Variants in IQCE observed in about 807,000 individuals in gnomAD.
IQCE encodes the protein IQ domain-containing protein E.
Under a neutral mutation model 96.0 loss-of-function variants are expected in IQCE, and 115 were observed. The ratio of observed to expected loss-of-function variants is 1.20; its 90% CI spans 1.03 to 1.40. The LOEUF is 1.40. IQCE is among the 40% of genes most tolerant of loss of function. The pLI, the probability that IQCE is intolerant of heterozygous loss-of-function variation, is 0.00. For missense variants in IQCE, 1,041 were observed against 909.1 expected, an observed-to-expected ratio of 1.15 and a Z score of -1.87; for synonymous variants, 412 against 371.2, an observed-to-expected ratio of 1.11 and a Z score of -1.26.
chr7:2,566,974 A>C, intron 1 of IQCE, 142 bp from the exon 2 acceptor site: 1 of 675,282 alleles, frequency 1.5e-6, no homozygotes, highest in Non-Finnish European at 2.7e-6. Context: ...GCCCAGCTGG[A>C]GTGTTCTGAG....
chr7:2,591,250 C>CA (rs879360186), intron 14 of IQCE, among the ~76,000 whole-genome samples: 212 of 131,522 alleles, frequency 1.6e-3, no homozygotes, highest in Admixed American at 2.1e-3. Flanking sequence ...GACTCTGTCT[C>CA]AAAAAAAAAA....
In IQCE at chr7:2,613,555, G is replaced by A. The variant is rs1408732667; in HGVS notation, c.*3393G>A. ...GCCGACGATTACCAAACTGAATCCA[G>A]GCAGTGCCATGACCCTGGGTGTCCC... On this transcript the variant is annotated 3_prime_UTR_variant, in exon 22 of 22. Coordinates refer to ENST00000402050, the MANE Select transcript of IQCE (RefSeq NM_152558.5). 6.6e-6 allele frequency: 1 copy of A among 152,304 alleles called. No homozygotes were observed. Among genetic ancestry groups the A allele is most frequent in the Non-Finnish European group, 1.5e-5 (1 of 68,054 alleles). The allele number at this position is 152,304 out of a possible 1,614,324, so 9.4% of individuals were successfully genotyped here.
Position 2,594,963 on chromosome 7 carries a change from A to G in IQCE, c.1427A>G (p.Glu476Gly). 3 of 1,611,952 alleles carry G rather than the reference A, an allele frequency of 1.9e-6. No individual in the cohort carries two copies. Among genetic ancestry groups the G allele is most frequent in the Non-Finnish European group, 2.5e-6 (3 of 1,178,044 alleles). Residue 476 changes from glutamate to glycine, a missense_variant, in exon 16 of 22, where the codon GAA becomes GGA. Physicochemically the swap from Glu to Gly is moderately conservative, Grantham distance 98. Transcript: ENST00000402050. The part of the protein sequence containing the change: ...MKKEEKEDCP[E>G]VPHKAQELPA... ...AAAGAAGAGAAAGAGGATTGCCCGG[A>G]AGTTCCTCATAAGGTACAGTGACCA...
rs141694121 is a variant in IQCE at position 2,578,265 on chromosome 7, C to G, written c.489C>G (p.Asp163Glu). 14 of 1,613,708 alleles carry G rather than the reference C, an allele frequency of 8.7e-6. No individual in the cohort carries two copies. The African/African-American group carries it at 1.5e-4, about 17-fold the overall frequency. The part of the protein sequence containing the change: ...LKKSLHVQKS[D>E]VDLMRTKLRR... ...AGTCATTGCACGTGCAGAAGAGCGACGTGGACCTGATGAGAACGAAGCTCC... is the reference window on the plus strand; with the variant it reads ...AGTCATTGCACGTGCAGAAGAGCGAGGTGGACCTGATGAGAACGAAGCTCC... The change falls in exon 7 of 22, where the codon GAC (aspartate) becomes GAG (glutamate). Residue 163 changes from aspartate (D) to glutamate (E), a missense_variant. By Grantham distance (45) the Asp-to-Glu change is conservative. Transcript: ENST00000402050.
In IQCE at chr7:2,559,310, C is replaced by CG. The variant is rs1430320772; in HGVS notation, c.36+95dup. On this transcript the variant is annotated intron_variant, in intron 1 of 21. Transcript: ENST00000402050. ...CAGCCTCGGGGCCCCGCGCAGGGGC[C>CG]GGCCCGGGGCGTGAGGACGGGGCGC... is the stretch of plus-strand genomic sequence containing the variant. The CG allele has an allele frequency of 6.9e-5, 47 of 678,634 alleles. No homozygotes were observed. In the East Asian group the frequency reaches 1.5e-3, roughly 22 times the overall value. The allele number at this position is 678,634 out of a possible 1,614,324, so 42.0% of individuals were successfully genotyped here.
chr7:2,581,948 A>C, intron 8 of IQCE: 1 of 391,746 alleles, frequency 2.6e-6, no homozygotes, highest in Non-Finnish European at 5.3e-6. Flanking sequence ...TCCTGACCCC[A>C]TGATCCACCC....
chr7:2,591,855 C>T (rs1783613097), intron 14 of IQCE, among the ~76,000 whole-genome samples: 1 of 152,146 alleles, frequency 6.6e-6, no homozygotes. Flanking sequence ...CTCCTGATCT[C>T]AAGTGATCTG....
At chr7:2,583,515 C>T in intron 9 of IQCE, 122 bp from the exon 10 acceptor site, 1 of 501,990 alleles carries the variant, frequency 2.0e-6, no homozygotes, top group Non-Finnish European at 3.3e-6. Context: ...CAGGCTTTTC[C>T]CTCCCATCCT....
chr7:2,587,814 T>A lies in IQCE; in HGVS notation c.989-8T>A. ...GATGCCGTTTTGAAACCGCATTGCT[T>A]CCATCAGGTTATGTGGAGTGGAGCA... On this transcript the variant is annotated splice_polypyrimidine_tract_variant and splice_region_variant and intron_variant, in intron 12 of 21. Coordinates refer to ENST00000402050, the MANE Select transcript of IQCE (RefSeq NM_152558.5). The A allele has an allele frequency of 6.2e-7, 1 of 1,613,960 alleles. No homozygotes were observed. The highest frequency in any genetic ancestry group is 8.5e-7 in the Non-Finnish European group (1 of 1,179,868).
chr7:2,591,874 G>A (rs1171526830), intron 14 of IQCE, among the ~76,000 whole-genome samples: 1 of 151,854 alleles, frequency 6.6e-6, no homozygotes, highest in Non-Finnish European at 1.5e-5. Flanking sequence ...TGCCTGCCTC[G>A]ACCTCCCAAA....
At chr7:2,595,824 T>C (rs1783991188) in intron 16 of IQCE, among the ~76,000 whole-genome samples, 1 of 148,216 alleles carries the variant, frequency 6.7e-6, no homozygotes, top group Admixed American at 6.8e-5. Flanking sequence ...CTGCTCACCA[T>C]GGCCGGTGCT....
intron 17 of IQCE, among the ~76,000 whole-genome samples, chr7:2,599,248 G>C (rs926903165): frequency 4.6e-5 from 7 of 152,060 alleles, no homozygotes; most frequent in Admixed American, 3.9e-4. Flanking sequence ...CCAGGCTGGA[G>C]TGCAATGGCA....
intron 15 of IQCE, 117 bp downstream of exon 15, chr7:2,593,243 C>T: frequency 7.1e-7 from 1 of 1,411,326 alleles, no homozygotes; most frequent in East Asian, 2.4e-5. Flanking sequence ...AAAGGCCACA[C>T]CTCCTCACAG....
chr7:2,606,062 C>T (rs1784800332), intron 20 of IQCE, 65 bp downstream of exon 20: 3 of 1,526,226 alleles, frequency 2.0e-6, no homozygotes, highest in Non-Finnish European at 2.6e-6. Context: ...CCGCACTGGG[C>T]CCGGAGCACT....
intron 6 of IQCE, among the ~76,000 whole-genome samples, chr7:2,575,194 A>G (rs1017590973): frequency 1.3e-5 from 2 of 152,208 alleles, no homozygotes; most frequent in Non-Finnish European, 2.9e-5. Context: ...ACTCTTGCTC[A>G]ATCCTGTGTT....
At chr7:2,605,167 C>G (rs1784711461) in intron 19 of IQCE, among the ~76,000 whole-genome samples, 176 bp downstream of exon 19, 1 of 152,208 alleles carries the variant, frequency 6.6e-6, no homozygotes, top group African/African-American at 2.4e-5. Flanking sequence ...TGCGCAGGCC[C>G]CTCTGCACAG....
Position 2,572,225 on chromosome 7 carries a change from C to T in IQCE, c.293C>T (p.Thr98Ile). 1 of 1,614,186 alleles carries T rather than the reference C, an allele frequency of 6.2e-7. No individual in the cohort carries two copies. Among genetic ancestry groups the T allele is most frequent in the Non-Finnish European group, 8.5e-7 (1 of 1,180,004 alleles). ...SLTQALNSPLTWEHAWTGVPG... is the reference protein window; with the variant it reads ...SLTQALNSPLIWEHAWTGVPG... ...ACCCAGGCCCTGAACTCACCCCTCA[C>T]CTGGGAGCATGCGTGGACTGGCGTC... is the stretch of plus-strand genomic sequence containing the variant. The change falls in exon 5 of 22, where the codon ACC (threonine) becomes ATC (isoleucine). Residue 98 changes from threonine to isoleucine, a missense_variant. Thr to Ile is a moderately conservative substitution (Grantham distance 89). Transcript: ENST00000402050.
chr7:2,608,950 A>G (rs1306865932), intron 21 of IQCE, among the ~76,000 whole-genome samples: 1 of 152,238 alleles, frequency 6.6e-6, no homozygotes. Context: ...AAGCTGACAC[A>G]GTTACAGTAT....
chr7:2,575,416 C>T (rs2128441202), intron 6 of IQCE, among the ~76,000 whole-genome samples: 1 of 152,346 alleles, frequency 6.6e-6, no homozygotes, highest in African/African-American at 2.4e-5. Context: ...TGACACCGCC[C>T]TAGCTGGGAG....
Sources: allele counts gnomAD v4.1 joint callset (sites outside exome capture counted in the v4.1 genomes callset), GRCh38; gene constraint gnomAD v4.1.1; transcripts MANE v1.5; gene names NCBI Gene and HGNC (gene_info 2026-07-23, HGNC 2026-07-21).